Variants in ZNF682 observed in about 807,000 individuals in gnomAD.
ZNF682 encodes the protein zinc finger protein 682.
Under a neutral mutation model 36.5 loss-of-function variants are expected in ZNF682, and 29 were observed. The ratio of observed to expected loss-of-function variants is 0.80; its 90% CI spans 0.59 to 1.08. The LOEUF (loss-of-function observed/expected upper bound fraction) is 1.08. Among genes scored for constraint, ZNF682 ranks in the 50% least tolerant of loss-of-function variants. The pLI, the probability that ZNF682 is intolerant of heterozygous loss-of-function variation, is 0.00. For missense variants in ZNF682, 561 were observed against 579.7 expected, an observed-to-expected ratio of 0.97 and a Z score of 0.33; for synonymous variants, 180 against 197.0, an observed-to-expected ratio of 0.91 and a Z score of 0.72.
chr19:20,011,909 C>T (rs1355921419), intron 3 of ZNF682, among the ~76,000 whole-genome samples: 2 of 151,956 alleles, frequency 1.3e-5, no homozygotes, highest in African/African-American at 4.8e-5. Context: ...TGGTGGCAGG[C>T]GCCTGTAATC....
At chr19:20,035,899 C>A (rs2088525200) in intron 1 of ZNF682, among the ~76,000 whole-genome samples, 1 of 152,060 alleles carries the variant, frequency 6.6e-6, no homozygotes, top group South Asian at 2.1e-4. Context: ...CCACACCCAA[C>A]TAATTTTTGT....
At chr19:20,009,898 T>C (rs1468211893) in intron 3 of ZNF682, among the ~76,000 whole-genome samples, 2 of 152,036 alleles carry the variant, frequency 1.3e-5, no homozygotes, top group Non-Finnish European at 2.9e-5. Context: ...CGTGCACCTG[T>C]AGTCCTAGCT....
In ZNF682 at chr19:20,006,852, G is replaced by A. The variant is rs200592727; in HGVS notation, c.650C>T (p.Thr217Ile). 5.8e-5 allele frequency: 94 copies of A among 1,613,894 alleles called. No homozygotes were observed. Among genetic ancestry groups the A allele is most frequent in the Non-Finnish European group, 7.2e-5 (85 of 1,179,930 alleles). ...TCCAGTGTGAATTCTCTTATGTTTA[G>A]TAAGGTATGAGAACCACTTAAAGGT... ...GKTFKWFSYLTKHKRIHTGEK... is the reference protein window; with the variant it reads ...GKTFKWFSYLIKHKRIHTGEK... Residue 217 changes from threonine to isoleucine, a missense_variant, in exon 4 of 4, where the codon ACT becomes ATT. Transcript: ENST00000397165.
intron 1 of ZNF682, among the ~76,000 whole-genome samples, chr19:20,035,801 T>G (rs988585577): frequency 7.2e-5 from 11 of 152,038 alleles, no homozygotes; most frequent in African/African-American, 2.7e-4. Flanking sequence ...AGTAGTGTGA[T>G]CCTGGCTCAC....
intron 3 of ZNF682, among the ~76,000 whole-genome samples, chr19:20,013,775 T>C (rs2088310857): frequency 6.6e-6 from 1 of 152,168 alleles, no homozygotes; most frequent in Non-Finnish European, 1.5e-5. Flanking sequence ...AGATGGGGTC[T>C]CTCCATGTTG....
At position 20,039,465 on chromosome 19, in the gene ZNF682, T is replaced by C. The variant is rs1305267730; in HGVS notation, c.-120A>G. 3 of 1,367,152 alleles carry C rather than the reference T, an allele frequency of 2.2e-6. No individual in the cohort carries two copies. Among genetic ancestry groups the C allele is most frequent in the Non-Finnish European group, 3.0e-6 (3 of 989,188 alleles). 84.7% of individuals were successfully genotyped at this position (1,367,152 alleles called of 1,614,324 possible). A position where few individuals can be genotyped will look rare whatever the true frequency, so the allele number is the denominator to read the frequency against. The stretch of plus-strand genomic sequence containing the variant: ...TACTAGAGCAGAGGATACTAAGCAA[T>C]GAAGATGGACCCTGAGCTCTGGCTG... On this transcript the variant is annotated 5_prime_UTR_variant, in exon 1 of 4. Coordinates refer to ENST00000397165, the MANE Select transcript of ZNF682 (RefSeq NM_033196.3).
intron 3 of ZNF682, among the ~76,000 whole-genome samples, chr19:19,997,522 C>G (rs796932657): frequency 6.6e-6 from 1 of 152,182 alleles, no homozygotes; most frequent in Non-Finnish European, 1.5e-5. Context: ...GTAGATAAAG[C>G]TGAGATAGAG....
In ZNF682 at chr19:20,007,275, G is replaced by A; in HGVS notation, c.227C>T (p.Ala76Val). The A allele has an allele frequency of 1.9e-6, 3 of 1,591,750 alleles. No individual in the cohort carries two copies. The highest frequency in any genetic ancestry group is 1.7e-6 in the Non-Finnish European group (2 of 1,170,174). ...GTCTTCAGTGTAATGAGAAGACATA[G>A]CTGAAATATGAAATTAACAAAATAT... ...KRHETIAKPP[A>V]MSSHYTEDLL... The change falls in exon 4 of 4, where the codon GCT becomes GTT. Residue 76 changes from alanine to valine, a missense_variant and splice_region_variant. Physicochemically the swap from Ala to Val is moderately conservative, Grantham distance 64 (BLOSUM62 0). Coordinates refer to ENST00000397165, the MANE Select transcript of ZNF682 (RefSeq NM_033196.3).
At chr19:20,029,280 CT>C (rs2088459073) in intron 1 of ZNF682, among the ~76,000 whole-genome samples, 1 of 150,920 alleles carries the variant, frequency 6.6e-6, no homozygotes, top group South Asian at 2.1e-4. Flanking sequence ...CGCACCCAGC[CT>C]TTCTTTTGTT....
downstream of ZNF682, among the ~76,000 whole-genome samples, chr19:20,003,389 A>C (rs1457912198): frequency 6.6e-6 from 1 of 151,808 alleles, no homozygotes; most frequent in Admixed American, 6.6e-5. Context: ...AGATTATATA[A>C]AGAATACTTT....
intron 3 of ZNF682, among the ~76,000 whole-genome samples, chr19:20,014,423 T>C (rs987652358): frequency 6.6e-5 from 10 of 152,078 alleles, no homozygotes; most frequent in Admixed American, 2.6e-4. Context: ...ACCAAATGAA[T>C]AGAAAAATAC....
intron 3 of ZNF682, among the ~76,000 whole-genome samples, chr19:20,020,176 T>C (rs371129963): frequency 9.2e-5 from 14 of 152,036 alleles, no homozygotes; most frequent in African/African-American, 3.1e-4. Flanking sequence ...GTAGAGTCAT[T>C]ATGAAAACCA....
At chr19:20,020,554 G>T (rs896534726) in intron 3 of ZNF682, among the ~76,000 whole-genome samples, 4 of 151,990 alleles carry the variant, frequency 2.6e-5, no homozygotes, top group African/African-American at 9.7e-5. Flanking sequence ...ACATAATCCA[G>T]CAATCCCACT....
intron 3 of ZNF682, among the ~76,000 whole-genome samples, chr19:20,022,716 T>G (rs1268046809): frequency 6.6e-6 from 1 of 151,960 alleles, no homozygotes; most frequent in Non-Finnish European, 1.5e-5. Context: ...AATACACATA[T>G]ATTTCTGTGT....
Position 20,023,008 on chromosome 19 carries a change from G to A in ZNF682, c.222C>T (p.Pro74=). The A allele has an allele frequency of 6.2e-7, 1 of 1,612,556 alleles. No individual in the cohort carries two copies. Among genetic ancestry groups the A allele is most frequent in the Non-Finnish European group, 8.5e-7 (1 of 1,178,972 alleles). ...NVKRHETIAK[P]PAMSSHYTED... ...TGTTTCATTCATCCAACCTACCTGG[G>A]GGTTTGGCTATGGTCTCATGTCTCT... The change falls in exon 3 of 4, where the codon CCC becomes CCT. Residue 74 remains proline (P), a synonymous_variant. Transcript: ENST00000397165.
chr19:20,033,268 G>C (rs1026385706), intron 1 of ZNF682, among the ~76,000 whole-genome samples: 1 of 151,062 alleles, frequency 6.6e-6, no homozygotes, highest in African/African-American at 2.4e-5. Context: ...GGGAGACTCC[G>C]TCTCAAAAAA....
chr19:20,017,300 A>G (rs983966971), intron 3 of ZNF682, among the ~76,000 whole-genome samples: 1 of 152,236 alleles, frequency 6.6e-6, no homozygotes, highest in Non-Finnish European at 1.5e-5. Flanking sequence ...AAAATCTTAC[A>G]ATATGCGTCT....
Position 20,024,291 on chromosome 19 carries a change from C to T in ZNF682, c.89G>A (p.Arg30Lys). 1 of 1,614,088 alleles carries T rather than the reference C, an allele frequency of 6.2e-7. No individual in the cohort carries two copies. Among genetic ancestry groups the T allele is most frequent in the African/African-American group, 1.3e-5 (1 of 75,040 alleles). ...FLNPAQQSLY[R>K]KVMLENYRNL... ...TCTGTAGTTCTCTAGCATCACTTTC[C>T]TATACAAACTCTGCTGAGCAGGGTT... is the stretch of plus-strand genomic sequence containing the variant. The change falls in exon 2 of 4, where the codon AGG (arginine) becomes AAG (lysine). Residue 30 changes from arginine (R) to lysine (K), a missense_variant. Coordinates refer to ENST00000397165, the MANE Select transcript of ZNF682 (RefSeq NM_033196.3).
At chr19:20,012,681 T>C (rs2088300258) in intron 3 of ZNF682, among the ~76,000 whole-genome samples, 1 of 143,840 alleles carries the variant, frequency 7.0e-6, no homozygotes, top group South Asian at 2.1e-4. Context: ...GGCAGGAGAA[T>C]GGCACGAACC....
Sources: gnomAD v4.1 joint callset for allele counts (sites outside exome capture counted in the v4.1 genomes callset) on GRCh38, gnomAD v4.1.1 for gene constraint, MANE v1.5 for transcripts, NCBI Gene and HGNC (gene_info 2026-07-23, HGNC 2026-07-21) for gene names.